The following ATG16L1 variants were observed in gnomAD, a reference collection of about 807,000 sequenced individuals.
ATG16L1 encodes autophagy-related protein 16-1.
Under a neutral mutation model 88.5 loss-of-function variants are expected in ATG16L1, and 37 were observed. The observed-to-expected ratio is 0.42, with a 90% CI of 0.32 to 0.55. The LOEUF (loss-of-function observed/expected upper bound fraction) is 0.55, where lower values mean the gene tolerates loss of function less well. ATG16L1 is among the 20% of genes least tolerant of loss of function. The pLI is 0.13. For missense variants in ATG16L1, 554 were observed against 752.8 expected, an observed-to-expected ratio of 0.74 and a Z score of 3.09; for synonymous variants, 301 against 281.0, an observed-to-expected ratio of 1.07 and a Z score of -0.71.
chr2:233,275,744 A>G (rs1339274297), intron 9 of ATG16L1: 1 of 519,116 alleles, frequency 1.9e-6, no homozygotes, highest in Non-Finnish European at 3.8e-6. Flanking sequence ...GATGATTGGT[A>G]AAAGGTCTGA....
rs776848341 is a variant in ATG16L1 at position 233,256,082 on chromosome 2, T to A, written c.116-20T>A. ...ACGTTGTAATAAATAACTTAGTTTC[T>A]GACTTTTTTATTTTAATAGATAACA... On this transcript the variant is annotated intron_variant, in intron 1 of 17. Transcript: ENST00000392017. The A allele has an allele frequency of 6.2e-7, 1 of 1,601,146 alleles. No homozygotes were observed.
chr2:233,290,368 C>T lies in ATG16L1; in HGVS notation c.1430+15C>T, dbSNP rs368551543. 19 of 1,596,640 alleles carry T rather than the reference C, an allele frequency of 1.2e-5. No homozygotes were observed. The highest frequency in any genetic ancestry group is 5.4e-5 in the African/African-American group (4 of 74,574). ...TGGGACATTCGGTATGATACCCAAGCTCCTGACTGGAGGCACATAAGAGTC... is the reference window on the plus strand; with the variant it reads ...TGGGACATTCGGTATGATACCCAAGTTCCTGACTGGAGGCACATAAGAGTC... On this transcript the variant is annotated intron_variant, in intron 14 of 17. Coordinates refer to ENST00000392017, the MANE Select transcript of ATG16L1 (RefSeq NM_030803.7).
chr2:233,258,016 A>AAATATCTAT (rs1696927526), intron 2 of ATG16L1, among the ~76,000 whole-genome samples: 3 of 51,900 alleles, frequency 5.8e-5, no homozygotes, highest in African/African-American at 1.6e-4. Context: ...AAAAAAAAAA[A>AAATATCTAT]ATATCTATAT....
intron 12 of ATG16L1, among the ~76,000 whole-genome samples, chr2:233,285,288 G>A (rs1331694736): frequency 6.6e-6 from 1 of 152,222 alleles, no homozygotes; most frequent in African/African-American, 2.4e-5. Context: ...TCCCTTAGAG[G>A]AGAAGAGGAA....
chr2:233,274,585 A>G, intron 8 of ATG16L1, 91 bp from the exon 9 acceptor site: 1 of 933,342 alleles, frequency 1.1e-6, no homozygotes. Context: ...AGTCTGCTTA[A>G]GCAAGGTCGT....
intron 7 of ATG16L1, 27 bp downstream of exon 7, chr2:233,273,079 A>G (rs750396247): frequency 1.9e-6 from 3 of 1,590,044 alleles, no homozygotes; most frequent in East Asian, 4.5e-5. Context: ...GGGCCAGGGA[A>G]AAGACAGCTT....
intron 2 of ATG16L1, among the ~76,000 whole-genome samples, chr2:233,261,323 T>C (rs1296293553): frequency 6.6e-6 from 1 of 152,188 alleles, no homozygotes; most frequent in Non-Finnish European, 1.5e-5. Flanking sequence ...GGTCCACATC[T>C]TACATGCTTG....
At chr2:233,268,152 C>T (rs1430303280) in intron 5 of ATG16L1, among the ~76,000 whole-genome samples, 1 of 152,172 alleles carries the variant, frequency 6.6e-6, no homozygotes, top group East Asian at 1.9e-4. Flanking sequence ...GGCACAGTGG[C>T]TGCTTCATAA....
In ATG16L1 at chr2:233,292,152, G is replaced by A. The variant is rs758560915; in HGVS notation, c.1455G>A (p.Met485Ile). ...DIRSESIVREMELLGKITALD... is the reference protein window; with the variant it reads ...DIRSESIVREIELLGKITALD... ...GATCAGAGAGCATAGTTCGAGAGATGGAGCTGTTGGGAAAGATTACTGCCC... is the reference window on the plus strand; with the variant it reads ...GATCAGAGAGCATAGTTCGAGAGATAGAGCTGTTGGGAAAGATTACTGCCC... The change falls in exon 15 of 18, where the codon ATG becomes ATA. Residue 485 changes from methionine (M) to isoleucine (I), a missense_variant. Met to Ile is a conservative substitution (Grantham distance 10). Transcript: ENST00000392017. The A allele has an allele frequency of 6.2e-7, 1 of 1,614,234 alleles. No homozygotes were observed. Among genetic ancestry groups the A allele is most frequent in the Non-Finnish European group, 8.5e-7 (1 of 1,180,046 alleles).
At chr2:233,283,082 G>A in intron 12 of ATG16L1, 2 of 251,394 alleles carry the variant, frequency 8.0e-6, no homozygotes. Context: ...ATTCCTGTGG[G>A]CTCTAAAACC....
chr2:233,256,547 A>G (rs77941120), intron 2 of ATG16L1, among the ~76,000 whole-genome samples: 1 of 151,898 alleles, frequency 6.6e-6, no homozygotes, highest in African/African-American at 2.4e-5. Flanking sequence ...GTTTGTGTAG[A>G]TCCTGTTAAT....
intron 12 of ATG16L1, among the ~76,000 whole-genome samples, chr2:233,287,247 C>T (rs1391609519): frequency 6.6e-6 from 1 of 152,140 alleles, no homozygotes; most frequent in African/African-American, 2.4e-5. Flanking sequence ...GAATTTTCAG[C>T]TATCACATGA....
At chr2:233,280,597 A>G (rs1698658836) in intron 10 of ATG16L1, among the ~76,000 whole-genome samples, 2 of 152,210 alleles carry the variant, frequency 1.3e-5, no homozygotes, top group Admixed American at 1.3e-4. Flanking sequence ...GTAGTCATTT[A>G]AATGTAACTA....
At position 233,273,019 on chromosome 2, in the gene ATG16L1, C is replaced by A. The variant is rs1378692996; in HGVS notation, c.761C>A (p.Thr254Asn). ...VDETSDHTEE[T>N]SPVRAISRAA... Reference sequence around the variant, plus strand: ...GAAACTTCTGATCACACAGAAGAGACCTCTCCTGTGCGAGCCATCAGCAGA... The same window carrying A: ...GAAACTTCTGATCACACAGAAGAGAACTCTCCTGTGCGAGCCATCAGCAGA... Residue 254 changes from threonine to asparagine, a missense_variant, in exon 7 of 18, where the codon ACC (threonine) becomes AAC (asparagine). Physicochemically the swap from Thr to Asn is moderately conservative, Grantham distance 65. Around this residue, in one of 5 missense-constraint regions of ATG16L1, gnomAD observed 370 missense variants for 509.7 expected, o/e 0.73. Transcript: ENST00000392017. 17 of 1,613,936 alleles carry A rather than the reference C, an allele frequency of 1.1e-5. No individual in the cohort carries two copies. The highest frequency in any genetic ancestry group is 1.4e-5 in the Non-Finnish European group (17 of 1,179,962).
intron 11 of ATG16L1, among the ~76,000 whole-genome samples, chr2:233,281,453 C>T (rs1003513234): frequency 2.0e-5 from 3 of 152,040 alleles, no homozygotes; most frequent in African/African-American, 7.3e-5. Flanking sequence ...ATGCTGTACT[C>T]CAGGGGCCAG....
chr2:233,292,416 G>A lies in ATG16L1; in HGVS notation c.1610G>A (p.Trp537Ter). The A allele has an allele frequency of 6.2e-7, 1 of 1,612,942 alleles. No individual in the cohort carries two copies. Among genetic ancestry groups the A allele is most frequent in the Non-Finnish European group, 8.5e-7 (1 of 1,179,960 alleles). ...CCTGGGTTCAAGTGCGGCTCTGACT[G>A]GACCAGAGTTGTCTTCAGGTTAGTA... ...SAPGFKCGSDWTRVVFSPDGS... is the reference protein window; with the variant it reads ...SAPGFKCGSD The change falls in exon 16 of 18, where the codon TGG (tryptophan) becomes TAG (stop). Residue 537 changes from tryptophan to a stop codon, truncating the protein, a stop_gained. Coordinates refer to ENST00000392017, the MANE Select transcript of ATG16L1 (RefSeq NM_030803.7). LOFTEE classifies it high-confidence loss of function.
At chr2:233,258,063 G>A (rs901820251) in intron 2 of ATG16L1, among the ~76,000 whole-genome samples, 4 of 151,370 alleles carry the variant, frequency 2.6e-5, no homozygotes, top group African/African-American at 9.7e-5. Flanking sequence ...ATCTCTTGGT[G>A]TGTATTGATA....
At chr2:233,265,295 A>T (rs1191448425) in intron 5 of ATG16L1, 152 bp downstream of exon 5, 11 of 1,001,550 alleles carry the variant, frequency 1.1e-5, no homozygotes, top group Non-Finnish European at 1.6e-5. Flanking sequence ...TCTGAACAAT[A>T]TAAATTAAAC....
chr2:233,289,491 T>G (rs940223658), intron 12 of ATG16L1, among the ~76,000 whole-genome samples: 1 of 151,508 alleles, frequency 6.6e-6, no homozygotes, highest in Non-Finnish European at 1.5e-5. Flanking sequence ...GCTCAAGCAA[T>G]CCTCTTGCCT....
Sources: allele counts gnomAD v4.1 joint callset (sites outside exome capture counted in the v4.1 genomes callset), GRCh38; gene constraint gnomAD v4.1.1; regional missense constraint gnomAD v4.1.1; transcripts MANE v1.5; gene names NCBI Gene and HGNC (gene_info 2026-07-23, HGNC 2026-07-21).